DERA: variants seen among roughly 807,000 people sequenced by gnomAD.
DERA encodes deoxyribose-phosphate aldolase.
DERA carries 15 observed loss-of-function variants against 41.1 expected under a neutral mutation model. The observed-to-expected ratio is 0.37, with a 90% CI of 0.24 to 0.56. DERA has a LOEUF of 0.56. Among genes scored for constraint, DERA ranks in the 20% least tolerant of loss-of-function variants. The probability of loss-of-function intolerance (pLI) is 0.81; values close to 1 mark genes in which losing one functional copy is unlikely to be tolerated. For missense variants in DERA, 396 were observed against 403.4 expected (o/e 0.98, Z 0.16); for synonymous variants, 139 against 137.4 (o/e 1.01, Z -0.08).
In DERA at chr12:15,958,240, G is replaced by A. The variant is rs1321551313; in HGVS notation, c.182G>A (p.Gly61Asp). 5 of 1,593,744 alleles carry A rather than the reference G, an allele frequency of 3.1e-6. No homozygotes were observed. Among genetic ancestry groups the A allele is most frequent in the Non-Finnish European group, 4.3e-6 (5 of 1,169,170 alleles). ...VTFIDLTTLS[G>D]DDTSSNIQRL... ...TTTATAGATCTTACTACACTTTCAG[G>A]TGATGATACATCTTCCAACATTCAA... The change falls in exon 3 of 9, where the codon GGT becomes GAT. Residue 61 changes from glycine (G) to aspartate (D), a missense_variant. Coordinates refer to ENST00000428559, the MANE Select transcript of DERA (RefSeq NM_015954.4).
At chr12:15,948,449 G>T (rs1331150241) in intron 1 of DERA, among the ~76,000 whole-genome samples, 1 of 152,030 alleles carries the variant, frequency 6.6e-6, no homozygotes, top group South Asian at 2.1e-4. Flanking sequence ...TCATACATTT[G>T]ATCTTGAATC....
intron 6 of DERA, among the ~76,000 whole-genome samples, chr12:16,002,403 A>G: frequency 6.6e-6 from 1 of 152,268 alleles, no homozygotes; most frequent in South Asian, 2.1e-4. Context: ...TGGCAGAGAA[A>G]TTAAGAATAC....
rs930538918 is a variant in DERA at position 15,998,880 on chromosome 12, A to T, written c.637+16444A>T. On this transcript the variant is annotated intron_variant, in intron 6 of 8. Coordinates refer to ENST00000428559, the MANE Select transcript of DERA (RefSeq NM_015954.4). The surrounding 1 kb of genome is among the most constrained non-coding windows in gnomAD (Gnocchi z 4.8). The stretch of plus-strand genomic sequence containing the variant: ...CTGAAATGTAGCCTGTGTCAGTTGC[A>T]CTATAGGTCCTAACCAACGCATATA... 6.6e-6 allele frequency among the ~76,000 whole-genome samples: 1 copy of T among 152,204 alleles called. No homozygotes were observed. The highest frequency in any genetic ancestry group is 1.5e-5 in the Non-Finnish European group (1 of 68,038).
At chr12:16,016,059 A>G (rs1257212732) in intron 6 of DERA, among the ~76,000 whole-genome samples, 1 of 152,196 alleles carries the variant, frequency 6.6e-6, no homozygotes, top group Non-Finnish European at 1.5e-5. Context: ...TCCCTTTCTC[A>G]CATGGGTAGC....
intron 1 of DERA, among the ~76,000 whole-genome samples, chr12:15,929,579 T>G (rs1236991266): frequency 6.6e-6 from 1 of 152,122 alleles, no homozygotes. Context: ...ATTCCAAGCT[T>G]CTTCTGTGTG....
At position 15,999,823 on chromosome 12, in the gene DERA, G is replaced by A. The variant is rs1157855884; in HGVS notation, c.637+17387G>A. ...TTTATTGGAAGTTTGCTGTATGTCA[G>A]ACACTGGATGACAAAGATTATTATG... On this transcript the variant is annotated intron_variant, in intron 6 of 8. Coordinates refer to ENST00000428559, the MANE Select transcript of DERA (RefSeq NM_015954.4). The surrounding 1 kb of genome is among the most constrained non-coding windows in gnomAD (Gnocchi z 5.3). Among the ~76,000 whole-genome samples, 4 of 152,198 alleles carry A rather than the reference G, an allele frequency of 2.6e-5. No homozygotes were observed. The highest frequency in any genetic ancestry group is 4.8e-5 in the African/African-American group (2 of 41,452).
intron 1 of DERA, among the ~76,000 whole-genome samples, chr12:15,914,067 T>A (rs1467863142): frequency 6.6e-6 from 1 of 152,184 alleles, no homozygotes; most frequent in East Asian, 1.9e-4. Context: ...GAATAGTGTT[T>A]GGTACACAGA....
rs918700323 is a variant in DERA, at chr12:15,981,265, G to A, written c.509-1043G>A. On this transcript the variant is annotated intron_variant, in intron 5 of 8. Coordinates refer to ENST00000428559, the MANE Select transcript of DERA (RefSeq NM_015954.4). The surrounding 1 kb of genome is among the most constrained non-coding windows in gnomAD (Gnocchi z 6.1). ...CGGGAGGCTGAGGCAGGAGAATGGCGTGAACCCCAGAGGCGGAGGTTGCAG... is the reference window on the plus strand; with the variant it reads ...CGGGAGGCTGAGGCAGGAGAATGGCATGAACCCCAGAGGCGGAGGTTGCAG... 1.3e-5 allele frequency among the ~76,000 whole-genome samples: 2 copies of A among 152,082 alleles called. No homozygotes were observed. The highest frequency in any genetic ancestry group is 2.9e-5 in the Non-Finnish European group (2 of 68,016).
intron 6 of DERA, among the ~76,000 whole-genome samples, chr12:15,991,455 GTTC>G (rs1948801399): frequency 1.3e-5 from 2 of 152,138 alleles, no homozygotes; most frequent in Admixed American, 1.3e-4. Flanking sequence ...TTATGTAACA[GTTC>G]TTTTAAATTT....
rs369420793 is a variant in DERA at position 15,982,372 on chromosome 12, A to G, written c.573A>G (p.Leu191=). 1.1e-5 allele frequency: 17 copies of G among 1,613,758 alleles called. No homozygotes were observed. Among genetic ancestry groups the G allele is most frequent in the Non-Finnish European group, 1.4e-5 (16 of 1,179,806 alleles). ...GGGAGGCTCATCTTAAAACTATATT[A>G]GCGACAGGAGAACTTGGAACTCTTA... ...ACGEAHLKTI[L]ATGELGTLTN... is the part of the protein sequence containing the mutation. Residue 191 remains leucine, a synonymous_variant, in exon 6 of 9, where the codon TTA becomes TTG. Transcript: ENST00000428559. The surrounding 1 kb of genome is among the most constrained non-coding windows in gnomAD (Gnocchi z 4.0).
At chr12:16,032,269 T>C (rs1443626182) in intron 6 of DERA, among the ~76,000 whole-genome samples, 4 of 152,186 alleles carry the variant, frequency 2.6e-5, no homozygotes, top group Non-Finnish European at 5.9e-5. Context: ...ATGAACCAAC[T>C]TGATTTTAAT....
intron 7 of DERA, among the ~76,000 whole-genome samples, chr12:16,033,431 TA>T (rs1233342557): frequency 1.3e-5 from 2 of 152,228 alleles, no homozygotes; most frequent in African/African-American, 4.8e-5. Context: ...AAATGATACA[TA>T]TTTTTTGAAA....
At chr12:15,987,372 G>C (rs989309223) in intron 6 of DERA, among the ~76,000 whole-genome samples, 2 of 151,502 alleles carry the variant, frequency 1.3e-5, no homozygotes, top group Non-Finnish European at 2.9e-5. Flanking sequence ...GAGTAGCTGG[G>C]GTTACAGGTG....
chr12:16,015,891 T>C (rs1159907206), intron 6 of DERA, among the ~76,000 whole-genome samples: 1 of 152,254 alleles, frequency 6.6e-6, no homozygotes, highest in East Asian at 1.9e-4. Context: ...GCAATTTTTT[T>C]TCCTCCTTTC....
rs1162835411 is a variant in DERA, at chr12:15,982,631, T to TTG, written c.637+206_637+207dup. Among the ~76,000 whole-genome samples, 16 of 152,236 alleles carry TTG rather than the reference T, an allele frequency of 1.1e-4. No homozygotes were observed. Among genetic ancestry groups the TTG allele is most frequent in the South Asian group, 4.1e-4 (2 of 4,826 alleles). On this transcript the variant is annotated intron_variant, in intron 6 of 8. Coordinates refer to ENST00000428559, the MANE Select transcript of DERA (RefSeq NM_015954.4). The surrounding 1 kb of genome is among the most constrained non-coding windows in gnomAD (Gnocchi z 4.0). ...TCCTGGCTTTCTTCCACATTTTTTT[T>TTG]TGTGTGTGTGTGGCATTTCATTGCT...
At chr12:15,916,166 A>C (rs1172409415) in intron 1 of DERA, 2 of 152,268 alleles carry the variant, frequency 1.3e-5, no homozygotes, top group Admixed American at 1.3e-4. Context: ...GGAAAAGTCC[A>C]AACTTTGGTA....
At chr12:15,914,610 T>C (rs1461804668) in intron 1 of DERA, among the ~76,000 whole-genome samples, 2 of 152,156 alleles carry the variant, frequency 1.3e-5, no homozygotes, top group Non-Finnish European at 2.9e-5. Flanking sequence ...CTATAAAGGA[T>C]GTAGATAGTG....
intron 1 of DERA, among the ~76,000 whole-genome samples, chr12:15,933,286 C>T (rs975873030): frequency 2.0e-5 from 3 of 152,158 alleles, no homozygotes; most frequent in African/African-American, 7.2e-5. Flanking sequence ...ACATTTCCAG[C>T]CACAGTGAAC....
Position 15,976,330 on chromosome 12 carries a change from T to A in DERA, c.509-5978T>A, listed in dbSNP as rs1431987906. Among the ~76,000 whole-genome samples the A allele has an allele frequency of 1.3e-5, 2 of 152,176 alleles. No individual in the cohort carries two copies. The highest frequency in any genetic ancestry group is 4.1e-4 in the South Asian group (2 of 4,828). On this transcript the variant is annotated intron_variant, in intron 5 of 8. Coordinates refer to ENST00000428559, the MANE Select transcript of DERA (RefSeq NM_015954.4). The surrounding 1 kb of genome is among the most constrained non-coding windows in gnomAD (Gnocchi z 4.1). ...CTTCCTGGCTCTACTTGCCAAGTCCTCCCCAACCCCTAGAATTTTCAGTCC... is the reference window on the plus strand; with the variant it reads ...CTTCCTGGCTCTACTTGCCAAGTCCACCCCAACCCCTAGAATTTTCAGTCC...
Sources: gnomAD v4.1 joint callset for allele counts (sites outside exome capture counted in the v4.1 genomes callset) on GRCh38, gnomAD v4.1.1 for gene constraint, Gnocchi (gnomAD v3.1) non-coding constraint, MANE v1.5 for transcripts, NCBI Gene and HGNC (gene_info 2026-07-23, HGNC 2026-07-21) for gene names.